OLAH: variants seen among roughly 807,000 people sequenced by gnomAD.
The protein encoded by OLAH is oleoyl-ACP hydrolase.
A neutral mutation model predicts 27.8 loss-of-function variants in OLAH; 33 were observed. The observed-to-expected ratio is 1.19, with a 90% CI of 0.90 to 1.59. The LOEUF (loss-of-function observed/expected upper bound fraction) is 1.59. Among genes scored for constraint, OLAH ranks in the 40% most tolerant of loss-of-function variants. The probability of loss-of-function intolerance (pLI) is 0.00; values close to 1 mark genes in which losing one functional copy is unlikely to be tolerated. For synonymous variants in OLAH, 120 were observed against 102.9 expected, an observed-to-expected ratio of 1.17 and a Z score of -1.01; for missense variants, 359 against 310.8, an observed-to-expected ratio of 1.16 and a Z score of -1.17.
At position 15,048,306 on chromosome 10, in the gene OLAH, C is replaced by A. The variant is rs552490315; in HGVS notation, c.32+986C>A. ...GATCTCGGCTCACTGCAACCCCCCC[C>A]TCCTGGGTTCAAGTAATCCTCCTGC... On this transcript the variant is annotated intron_variant, in intron 2 of 7. Transcript: ENST00000378228. Among the ~76,000 whole-genome samples the A allele has an allele frequency of 4.6e-5, 7 of 152,284 alleles. No individual in the cohort carries two copies. The East Asian group carries it at 7.7e-4, about 17-fold the overall frequency.
chr10:15,042,996 G>C (rs1843947914), upstream of OLAH, among the ~76,000 whole-genome samples: 1 of 151,624 alleles, frequency 6.6e-6, no homozygotes, highest in Non-Finnish European at 1.5e-5. Flanking sequence ...GAGTAGCTGG[G>C]ACTACAGGCG....
intron 3 of OLAH, among the ~76,000 whole-genome samples, chr10:15,059,072 C>T (rs1844307714): frequency 1.2e-5 from 1 of 85,366 alleles, no homozygotes; most frequent in African/African-American, 4.4e-5. Context: ...CCTTCCCTCT[C>T]TCCTTCCCTT....
At chr10:15,048,552 A>G (rs1311005478) in intron 2 of OLAH, among the ~76,000 whole-genome samples, 3 of 152,228 alleles carry the variant, frequency 2.0e-5, no homozygotes, top group African/African-American at 7.2e-5. Context: ...TTTATCAAAC[A>G]TTCAGAAGGA....
At chr10:15,049,578 G>C in intron 2 of OLAH, 57 bp from the exon 3 acceptor site, 1 of 1,118,700 alleles carries the variant, frequency 8.9e-7, no homozygotes, top group Non-Finnish European at 1.3e-6. Context: ...AGGTAATTCA[G>C]TATAGGGAAC....
At chr10:15,069,649 T>C (rs1589254351) in intron 6 of OLAH, among the ~76,000 whole-genome samples, 2 of 152,188 alleles carry the variant, frequency 1.3e-5, no homozygotes, top group East Asian at 3.9e-4. Context: ...GGCGGATCAC[T>C]TGAGGTCAGG....
At chr10:15,065,084 T>C (rs1452387181) in intron 5 of OLAH, among the ~76,000 whole-genome samples, 1 of 152,250 alleles carries the variant, frequency 6.6e-6, no homozygotes, top group Non-Finnish European at 1.5e-5. Flanking sequence ...AGCTGTTTCC[T>C]ACTGGTACTA....
In OLAH at chr10:15,069,719, A is replaced by G. The variant is rs963169707; in HGVS notation, c.573-2076A>G. On this transcript the variant is annotated intron_variant, in intron 6 of 7. Transcript: ENST00000378228. Reference sequence around the variant, plus strand: ...CCATCTCTACTAAAAATACAAAAATAGCTGGATGTGGTGGCAGACACCTGT... The same window carrying G: ...CCATCTCTACTAAAAATACAAAAATGGCTGGATGTGGTGGCAGACACCTGT... Among the ~76,000 whole-genome samples the G allele has an allele frequency of 3.3e-5, 5 of 152,172 alleles. No homozygotes were observed. The East Asian group carries it at 9.7e-4, about 29-fold the overall frequency.
chr10:15,064,154 T>G (rs1380312308), intron 4 of OLAH, among the ~76,000 whole-genome samples: 2 of 152,184 alleles, frequency 1.3e-5, no homozygotes, highest in Non-Finnish European at 2.9e-5. Flanking sequence ...GAAAAGGAAA[T>G]TTAAATTAAT....
At chr10:15,053,808 A>C (rs899192716) in intron 3 of OLAH, among the ~76,000 whole-genome samples, 18 of 151,494 alleles carry the variant, frequency 1.2e-4, no homozygotes, top group Non-Finnish European at 2.6e-4. Flanking sequence ...TCAACCTCCC[A>C]GGCTCAAGCG....
chr10:15,040,642 A>G (rs942073627), upstream of OLAH, among the ~76,000 whole-genome samples: 4 of 151,898 alleles, frequency 2.6e-5, no homozygotes, highest in African/African-American at 9.7e-5. Context: ...ATGCCTTTTT[A>G]GCAATAACCG....
intron 6 of OLAH, among the ~76,000 whole-genome samples, chr10:15,067,797 T>C (rs1463257398): frequency 6.6e-6 from 1 of 152,206 alleles, no homozygotes. Flanking sequence ...TACAGAGTTT[T>C]TTCCAGTTCT....
chr10:15,044,164 C>T (rs998490908), intron 1 of OLAH, among the ~76,000 whole-genome samples, 178 bp downstream of exon 1: 6 of 152,068 alleles, frequency 3.9e-5, no homozygotes, highest in Admixed American at 1.3e-4. Context: ...GGGGCTTAAT[C>T]TGTCATCTTG....
upstream of OLAH, among the ~76,000 whole-genome samples, chr10:15,043,632 A>AT (rs1843961027): frequency 6.6e-6 from 1 of 151,566 alleles, no homozygotes; most frequent in Admixed American, 6.6e-5. Flanking sequence ...TGCCCAGCTA[A>AT]TTTTTTGTAT....
At chr10:15,054,250 A>G (rs1057005480) in intron 3 of OLAH, among the ~76,000 whole-genome samples, 1 of 152,024 alleles carries the variant, frequency 6.6e-6, no homozygotes, top group Non-Finnish European at 1.5e-5. Flanking sequence ...CATGTTGGCC[A>G]GGCTGGACTC....
At chr10:15,060,850 G>T (rs1844348526) in intron 3 of OLAH, among the ~76,000 whole-genome samples, 1 of 152,118 alleles carries the variant, frequency 6.6e-6, no homozygotes, top group African/African-American at 2.4e-5. Flanking sequence ...GTTTTACATT[G>T]TTGGGTCCTG....
chr10:15,037,726 A>C (rs1843862762), intron 1 of OLAH, among the ~76,000 whole-genome samples: 1 of 152,152 alleles, frequency 6.6e-6, no homozygotes, highest in Non-Finnish European at 1.5e-5. Flanking sequence ...TCTGAGATGA[A>C]GGAATAGTAT....
Position 15,047,331 on chromosome 10 carries a change from C to G in OLAH, c.32+11C>G. 6.2e-7 allele frequency: 1 copy of G among 1,613,032 alleles called. No individual in the cohort carries two copies. The highest frequency in any genetic ancestry group is 1.3e-5 in the African/African-American group (1 of 74,990). The stretch of plus-strand genomic sequence containing the variant: ...ACCTAAGAGAACCAGGCAGGCCACC[C>G]CTTGTGCCACCAGGCTCTTCCTCCA... On this transcript the variant is annotated intron_variant, in intron 2 of 7. Transcript: ENST00000378228.
intron 6 of OLAH, among the ~76,000 whole-genome samples, chr10:15,066,379 T>A (rs2131374939): frequency 6.6e-6 from 1 of 152,156 alleles, no homozygotes; most frequent in Middle Eastern, 3.4e-3. Flanking sequence ...CTTAGAAGGG[T>A]CAGCAGAAAT....
intron 1 of OLAH, among the ~76,000 whole-genome samples, chr10:15,044,547 C>T: frequency 6.6e-6 from 1 of 151,488 alleles, no homozygotes; most frequent in African/African-American, 2.4e-5. Flanking sequence ...CTTTTTCATT[C>T]CTCCTTGCAT....
Sources: gnomAD v4.1 joint callset for allele counts (sites outside exome capture counted in the v4.1 genomes callset) on GRCh38, gnomAD v4.1.1 for gene constraint, MANE v1.5 for transcripts, NCBI Gene and HGNC (gene_info 2026-07-23, HGNC 2026-07-21) for gene names.